PTPRR: variants seen among roughly 807,000 people sequenced by gnomAD.
PTPRR encodes the protein receptor-type tyrosine-protein phosphatase R.
PTPRR carries 38 observed loss-of-function variants against 77.2 expected under a neutral mutation model. That is an observed-to-expected ratio of 0.49 (90% CI 0.38 to 0.65). The LOEUF (loss-of-function observed/expected upper bound fraction) is 0.65. Ranked by LOEUF, PTPRR falls within the 30% of genes least tolerant of loss-of-function variation. The pLI is 0.00. For missense variants in PTPRR, 744 were observed against 799.2 expected (o/e 0.93, Z 0.83); for synonymous variants, 299 against 283.1 (o/e 1.06, Z -0.57).
At chr12:70,678,786 A>G (rs1444166654) in intron 10 of PTPRR, among the ~76,000 whole-genome samples, 1 of 152,012 alleles carries the variant, frequency 6.6e-6, no homozygotes, top group East Asian at 1.9e-4. Flanking sequence ...AGTTCAATTG[A>G]TTCTTTTGCC....
chr12:70,798,791 A>G (rs1857491637), intron 2 of PTPRR, among the ~76,000 whole-genome samples: 2 of 122,632 alleles, frequency 1.6e-5, no homozygotes, highest in South Asian at 2.6e-4. Flanking sequence ...TCTGGTATGT[A>G]TCTTACATAG....
intron 3 of PTPRR, 104 bp downstream of exon 3, chr12:70,764,561 G>A (rs1012125175): frequency 3.3e-5 from 29 of 882,150 alleles, no homozygotes; most frequent in East Asian, 7.5e-5. Flanking sequence ...ATGACGTGCC[G>A]GATTTGGCTC....
chr12:70,790,246 C>A (rs997200722), intron 2 of PTPRR, among the ~76,000 whole-genome samples: 2 of 152,004 alleles, frequency 1.3e-5, no homozygotes, highest in South Asian at 2.1e-4. Flanking sequence ...TTTCTAATAA[C>A]GCTTTCCACC....
chr12:70,802,834 T>C (rs1392946065), intron 2 of PTPRR, among the ~76,000 whole-genome samples: 1 of 152,216 alleles, frequency 6.6e-6, no homozygotes, highest in Non-Finnish European at 1.5e-5. Flanking sequence ...CTTTCAGTAT[T>C]GAATAAAATT....
intron 6 of PTPRR, among the ~76,000 whole-genome samples, chr12:70,708,805 T>C (rs1206349229): frequency 7.9e-6 from 1 of 125,886 alleles, no homozygotes; most frequent in Non-Finnish European, 1.7e-5. Context: ...TAAATATAAA[T>C]ACAAATACAA....
At chr12:70,841,510 T>C (rs1312178446) in intron 2 of PTPRR, among the ~76,000 whole-genome samples, 1 of 151,966 alleles carries the variant, frequency 6.6e-6, no homozygotes, top group African/African-American at 2.4e-5. Context: ...CCTGACTCCC[T>C]CTGAGTTCCA....
intron 2 of PTPRR, among the ~76,000 whole-genome samples, chr12:70,855,367 G>T (rs978666520): frequency 2.0e-5 from 3 of 152,126 alleles, no homozygotes; most frequent in African/African-American, 7.2e-5. Flanking sequence ...GGCAGCTCCA[G>T]CCTCAGCTAG....
chr12:70,895,308 T>G (rs531548669), intron 1 of PTPRR, among the ~76,000 whole-genome samples: 2 of 151,708 alleles, frequency 1.3e-5, no homozygotes, highest in African/African-American at 4.8e-5. Flanking sequence ...CACAAATATC[T>G]TCAATCTTTC....
At chr12:70,782,100 A>G (rs1004097655) in intron 2 of PTPRR, among the ~76,000 whole-genome samples, 1 of 152,206 alleles carries the variant, frequency 6.6e-6, no homozygotes, top group Non-Finnish European at 1.5e-5. Context: ...TAAAAAGGGT[A>G]AGATCTTGTA....
At chr12:70,703,543 A>G (rs1888508550) in intron 6 of PTPRR, among the ~76,000 whole-genome samples, 1 of 152,176 alleles carries the variant, frequency 6.6e-6, no homozygotes, top group Admixed American at 6.5e-5. Context: ...AATTTAATCT[A>G]TTTTTAGTGG....
At chr12:70,862,119 A>G (rs1259193369) in intron 2 of PTPRR, among the ~76,000 whole-genome samples, 1 of 152,114 alleles carries the variant, frequency 6.6e-6, no homozygotes, top group Non-Finnish European at 1.5e-5. Context: ...TCCCAGGAAA[A>G]AGTGAAGCAG....
rs568678122 is a variant in PTPRR, at chr12:70,660,867, C to G, written c.1766+73G>C. The G allele has an allele frequency of 5.7e-6, 8 of 1,413,872 alleles. No homozygotes were observed. The East Asian group carries it at 1.5e-4, about 26-fold the overall frequency. The allele number at this position is 1,413,872 out of a possible 1,614,324, so 87.6% of individuals were successfully genotyped here. On this transcript the variant is annotated intron_variant, in intron 12 of 13. Transcript: ENST00000283228. The stretch of plus-strand genomic sequence containing the variant: ...CAAAGTCACATCCAGGAAGCAAAAC[C>G]CACTTGCACCTGCTCTGTGACTTTA...
rs772201109 is a variant in PTPRR at position 70,701,311 on chromosome 12, G to T, written c.1020C>A (p.Asn340Lys). The change falls in exon 7 of 14, where the codon AAC (asparagine) becomes AAA (lysine). Residue 340 changes from asparagine to lysine, a missense_variant. Transcript: ENST00000283228. ...TACTCATGTCCAATGTAAGAGATAC[G>T]TTGGACCCTCTTCTACATTGGAGAA... ...PIGLQERRGS[N>K]VSLTLDMSSL... 1.2e-6 allele frequency: 2 copies of T among 1,613,616 alleles called. No individual in the cohort carries two copies. The highest frequency in any genetic ancestry group is 1.7e-6 in the Non-Finnish European group (2 of 1,179,668).
chr12:70,668,850 T>G (rs1199530561), intron 10 of PTPRR, among the ~76,000 whole-genome samples: 1 of 152,220 alleles, frequency 6.6e-6, no homozygotes, highest in Non-Finnish European at 1.5e-5. Context: ...AAACATGGGC[T>G]GTGCTCAGTT....
At chr12:70,884,871 C>CAA (rs529547383) in intron 2 of PTPRR, among the ~76,000 whole-genome samples, 7,360 of 53,642 alleles carry the variant, frequency 0.14, 700 homozygotes, top group Admixed American at 0.24. Context: ...AACTCTGTCT[C>CAA]AAAAAAAAAA....
rs529914415 is a variant in PTPRR, at chr12:70,671,252, G to C, written c.1498-8647C>G. On this transcript the variant is annotated intron_variant, in intron 10 of 13. Coordinates refer to ENST00000283228, the MANE Select transcript of PTPRR (RefSeq NM_002849.4). Reference sequence around the variant, plus strand: ...GATCTGTAAAACATCAGCGTTTCCTGTATTGTATTATATTTACGTCTTTGG... The same window carrying C: ...GATCTGTAAAACATCAGCGTTTCCTCTATTGTATTATATTTACGTCTTTGG... 3.4e-3 allele frequency among the ~76,000 whole-genome samples: 517 copies of C among 152,068 alleles called. 2 individuals are homozygous for C. Among genetic ancestry groups the C allele is most frequent in the African/African-American group, 0.011 (436 of 41,474 alleles).
chr12:70,864,649 TG>T, intron 2 of PTPRR, among the ~76,000 whole-genome samples: 1 of 152,284 alleles, frequency 6.6e-6, no homozygotes, highest in Middle Eastern at 3.4e-3. Flanking sequence ...GATGACGATA[TG>T]GTTTGGCTGT....
intron 2 of PTPRR, among the ~76,000 whole-genome samples, chr12:70,776,973 G>A (rs926996307): frequency 6.6e-5 from 10 of 151,954 alleles, no homozygotes; most frequent in African/African-American, 1.5e-4. Flanking sequence ...ATCCTAATCC[G>A]CAGAAATAAT....
intron 6 of PTPRR, among the ~76,000 whole-genome samples, chr12:70,733,169 T>C (rs1235051837): frequency 3.3e-5 from 5 of 151,946 alleles, no homozygotes; most frequent in Admixed American, 6.6e-5. Context: ...CTATAAGACA[T>C]TATTAGGGAA....
Sources: gnomAD v4.1 joint callset for allele counts (sites outside exome capture counted in the v4.1 genomes callset) on GRCh38, gnomAD v4.1.1 for gene constraint, MANE v1.5 for transcripts, NCBI Gene and HGNC (gene_info 2026-07-23, HGNC 2026-07-21) for gene names.